BCAS3: variants seen among roughly 807,000 people sequenced by gnomAD.
BCAS3 encodes BCAS3 microtubule associated cell migration factor.
Under a neutral mutation model 116.1 loss-of-function variants are expected in BCAS3, and 53 were observed. That is an observed-to-expected ratio of 0.46 (90% CI 0.37 to 0.57). The LOEUF (loss-of-function observed/expected upper bound fraction) is 0.57. Ranked by LOEUF, BCAS3 falls within the 20% of genes least tolerant of loss-of-function variation. The pLI is 0.00. For synonymous variants in BCAS3, 391 were observed against 408.2 expected, an observed-to-expected ratio of 0.96 and a Z score of 0.51; for missense variants, 917 against 1,165.4, an observed-to-expected ratio of 0.79 and a Z score of 3.10.
rs1239905237 is a variant in BCAS3 at position 61,007,097 on chromosome 17, G to T, written c.1487-8654G>T. 6.6e-6 allele frequency among the ~76,000 whole-genome samples: 1 copy of T among 152,042 alleles called. No homozygotes were observed. The highest frequency in any genetic ancestry group is 2.4e-5 in the African/African-American group (1 of 41,422). ...TTCATTTAACTTACAAGTTTGGGTTGACTCTGTGATTGAAACTTAATTGCA... is the reference window on the plus strand; with the variant it reads ...TTCATTTAACTTACAAGTTTGGGTTTACTCTGTGATTGAAACTTAATTGCA... On this transcript the variant is annotated intron_variant, in intron 15 of 23. Transcript: ENST00000407086. The surrounding 1 kb of genome is among the most constrained non-coding windows in gnomAD (Gnocchi z 4.3).
intron 22 of BCAS3, among the ~76,000 whole-genome samples, chr17:61,109,902 T>G (rs962032042): frequency 2.6e-5 from 4 of 152,238 alleles, no homozygotes; most frequent in African/African-American, 9.6e-5. Flanking sequence ...TATGTTAACT[T>G]GGCTAATTAT....
chr17:60,979,451 A>G (rs113226006), intron 14 of BCAS3, among the ~76,000 whole-genome samples: 5,630 of 148,976 alleles, frequency 0.038, 729 homozygotes, highest in African/African-American at 0.14. Flanking sequence ...GTCTGCAAAC[A>G]GGGACAATTT....
intron 14 of BCAS3, among the ~76,000 whole-genome samples, chr17:60,973,660 T>G (rs1253927850): frequency 6.6e-6 from 1 of 151,074 alleles, no homozygotes; most frequent in East Asian, 1.9e-4. Context: ...TGGTGTAATC[T>G]CAGCTCACTG....
chr17:61,117,788 AG>A (rs910897154), intron 22 of BCAS3, among the ~76,000 whole-genome samples: 4 of 152,212 alleles, frequency 2.6e-5, no homozygotes, highest in Admixed American at 6.5e-5. Context: ...CTACATGCAT[AG>A]CCTCGCCTGT....
At chr17:61,292,169 C>T (rs546517464) in intron 22 of BCAS3, among the ~76,000 whole-genome samples, 1 of 152,194 alleles carries the variant, frequency 6.6e-6, no homozygotes, top group South Asian at 2.1e-4. Flanking sequence ...ACTTGGCACC[C>T]ACCCACGCCT....
chr17:60,985,009 C>CAAAA (rs762586066), intron 14 of BCAS3, among the ~76,000 whole-genome samples: 5 of 50,358 alleles, frequency 9.9e-5, no homozygotes, highest in Non-Finnish European at 2.1e-4. Context: ...GACTCCATCT[C>CAAAA]AAAAAAAAAA....
At chr17:61,178,905 C>T (rs1032649214) in intron 22 of BCAS3, among the ~76,000 whole-genome samples, 1 of 152,026 alleles carries the variant, frequency 6.6e-6, no homozygotes. Context: ...TAATGAGCAT[C>T]GGTTTATTAC....
chr17:60,975,885 A>G (rs1222960898), intron 14 of BCAS3, among the ~76,000 whole-genome samples: 2 of 152,142 alleles, frequency 1.3e-5, no homozygotes, highest in Non-Finnish European at 2.9e-5. Context: ...ATTCCTATTC[A>G]TGGATGAGTA....
intron 22 of BCAS3, among the ~76,000 whole-genome samples, chr17:61,184,048 G>A (rs199584721): frequency 1.3e-5 from 2 of 152,140 alleles, no homozygotes; most frequent in Admixed American, 6.5e-5. Context: ...AGACTGGCTT[G>A]TTTTCAATTG....
chr17:60,945,062 T>A (rs1295208710), intron 13 of BCAS3, among the ~76,000 whole-genome samples: 1 of 152,128 alleles, frequency 6.6e-6, no homozygotes, highest in Non-Finnish European at 1.5e-5. Flanking sequence ...CAAAGAAAAT[T>A]CTTGTACTGT....
intron 13 of BCAS3, among the ~76,000 whole-genome samples, chr17:60,925,943 A>T (rs893620865): frequency 6.6e-6 from 1 of 151,960 alleles, no homozygotes; most frequent in African/African-American, 2.4e-5. Flanking sequence ...TGTTTCATGT[A>T]TACCCTATAC....
At chr17:60,775,646 AT>A (rs976856996) in intron 6 of BCAS3, among the ~76,000 whole-genome samples, 6 of 152,024 alleles carry the variant, frequency 3.9e-5, no homozygotes, top group Non-Finnish European at 5.9e-5. Context: ...ATTTATGTAA[AT>A]TTATAGTTAG....
At chr17:61,039,270 C>T (rs752467888) in intron 18 of BCAS3, among the ~76,000 whole-genome samples, 1 of 152,166 alleles carries the variant, frequency 6.6e-6, no homozygotes, top group Non-Finnish European at 1.5e-5. Context: ...TAGCGTGTGT[C>T]AGAATTTCAC....
chr17:60,997,910 A>G (rs2063947524), intron 15 of BCAS3, among the ~76,000 whole-genome samples: 1 of 152,180 alleles, frequency 6.6e-6, no homozygotes, highest in Admixed American at 6.5e-5. Flanking sequence ...GGTATATTGC[A>G]TGATGCTGAG....
intron 21 of BCAS3, among the ~76,000 whole-genome samples, chr17:61,079,301 A>G (rs557644743): frequency 1.3e-5 from 2 of 152,328 alleles, no homozygotes; most frequent in Admixed American, 6.5e-5. Flanking sequence ...ACACCTTTTA[A>G]AAAATAGTGG....
intron 22 of BCAS3, among the ~76,000 whole-genome samples, chr17:61,312,703 C>A (rs1162945978): frequency 6.6e-6 from 1 of 152,124 alleles, no homozygotes; most frequent in Non-Finnish European, 1.5e-5. Flanking sequence ...TATGAATCTC[C>A]TTGGAAGACC....
rs896079552 is a variant in BCAS3 at position 61,188,897 on chromosome 17, G to T, written c.2425+104333G>T. On this transcript the variant is annotated intron_variant, in intron 22 of 23. Coordinates refer to ENST00000407086, the MANE Select transcript of BCAS3 (RefSeq NM_017679.5). This position sits in a 1 kb window ranked among gnomAD's most constrained non-coding sequence, Gnocchi z 4.0. The stretch of plus-strand genomic sequence containing the variant: ...AGGCTGAGGTGGGAGGAGCCTGGGA[G>T]GTTGAGACCAGTCTGAGCAACATAG... 1.3e-5 allele frequency among the ~76,000 whole-genome samples: 2 copies of T among 152,150 alleles called. No individual in the cohort carries two copies. Among genetic ancestry groups the T allele is most frequent in the Non-Finnish European group, 2.9e-5 (2 of 68,024 alleles).
intron 22 of BCAS3, among the ~76,000 whole-genome samples, chr17:61,184,325 G>A (rs1336135462): frequency 2.0e-5 from 3 of 147,360 alleles, no homozygotes; most frequent in Non-Finnish European, 4.5e-5. Flanking sequence ...GTGGGCATTT[G>A]GACAAACACC....
chr17:61,015,454 A>G (rs1263896824), intron 15 of BCAS3, among the ~76,000 whole-genome samples: 1 of 151,932 alleles, frequency 6.6e-6, no homozygotes, highest in Non-Finnish European at 1.5e-5. Flanking sequence ...ATACTCAGCT[A>G]ATTTTTGATA....
Sources: allele counts gnomAD v4.1 joint callset (sites outside exome capture counted in the v4.1 genomes callset), GRCh38; gene constraint gnomAD v4.1.1; non-coding constraint Gnocchi (gnomAD v3.1); transcripts MANE v1.5; gene names NCBI Gene and HGNC (gene_info 2026-07-23, HGNC 2026-07-21).